Variants in THRB observed in about 807,000 individuals in gnomAD.
The protein encoded by THRB is thyroid hormone receptor beta, also known as nuclear receptor subfamily 1 group A member 2.
Under a neutral mutation model 47.8 loss-of-function variants are expected in THRB, and 12 were observed. The ratio of observed to expected loss-of-function variants is 0.25; its 90% CI spans 0.16 to 0.41. The LOEUF is 0.41. Ranked by LOEUF, THRB falls within the 10% of genes least tolerant of loss-of-function variation. THRB has a pLI of 1.00. For synonymous variants in THRB, 218 were observed against 212.2 expected (o/e 1.03, Z -0.24); for missense variants, 348 against 589.2 (o/e 0.59, Z 4.24).
chr3:24,401,638 G>A (rs2067409449), intron 1 of THRB, among the ~76,000 whole-genome samples: 1 of 151,978 alleles, frequency 6.6e-6, no homozygotes, highest in Non-Finnish European at 1.5e-5. Context: ...TGTTCTTACT[G>A]CATTTCTAAA....
chr3:24,325,513 C>T (rs909595929), intron 2 of THRB, among the ~76,000 whole-genome samples: 1 of 152,160 alleles, frequency 6.6e-6, no homozygotes, highest in Non-Finnish European at 1.5e-5. Flanking sequence ...AGGGCAAAAC[C>T]CCATCCCTAT....
chr3:24,301,977 G>T (rs1216404937), intron 2 of THRB, among the ~76,000 whole-genome samples: 1 of 152,056 alleles, frequency 6.6e-6, no homozygotes, highest in Non-Finnish European at 1.5e-5. Flanking sequence ...TCCCTCAGAG[G>T]CTCCAGGCTG....
At chr3:24,405,277 C>T (rs938687229) in intron 1 of THRB, among the ~76,000 whole-genome samples, 10 of 151,890 alleles carry the variant, frequency 6.6e-5, no homozygotes, top group Non-Finnish European at 1.3e-4. Context: ...ATTCTGTGGG[C>T]CAAATTTGGA....
chr3:24,186,070 T>C (rs1370811197), intron 5 of THRB, among the ~76,000 whole-genome samples: 1 of 152,168 alleles, frequency 6.6e-6, no homozygotes, highest in East Asian at 1.9e-4. Flanking sequence ...GGAAGAAAAA[T>C]GCACATTTCC....
intron 5 of THRB, among the ~76,000 whole-genome samples, chr3:24,169,036 A>C (rs1174211383): frequency 6.6e-6 from 1 of 152,096 alleles, no homozygotes; most frequent in Non-Finnish European, 1.5e-5. Flanking sequence ...GTACTTGCAA[A>C]AATACACATA....
intron 1 of THRB, among the ~76,000 whole-genome samples, chr3:24,389,956 C>T (rs1054081952): frequency 6.6e-6 from 1 of 152,070 alleles, no homozygotes; most frequent in African/African-American, 2.4e-5. Context: ...TAAAAGGTAG[C>T]CAATGACAGT....
intron 1 of THRB, among the ~76,000 whole-genome samples, chr3:24,424,744 A>C (rs1021782446): frequency 6.6e-6 from 1 of 152,010 alleles, no homozygotes; most frequent in African/African-American, 2.4e-5. Flanking sequence ...AACTTCAAAA[A>C]AGTAAATGCA....
Position 24,243,115 on chromosome 3 carries a change from T to C in THRB, c.-42-14114A>G, listed in dbSNP as rs1164491010. ...AAAAAATCCCAGTGCCCAGGTGCAC[T>C]CCAGGCCAATTAGTGTCTGTAGCTC... On this transcript the variant is annotated intron_variant, in intron 3 of 10. Coordinates refer to ENST00000646209, the MANE Select transcript of THRB (RefSeq NM_001354712.2). 7.8e-5 allele frequency among the ~76,000 whole-genome samples: 11 copies of C among 140,460 alleles called. 1 individual carries two copies. The Admixed American group carries it at 8.2e-4, about 10-fold the overall frequency. 92.1% of individuals were successfully genotyped at this position (140,460 alleles called of 152,430 possible).
intron 1 of THRB, among the ~76,000 whole-genome samples, chr3:24,436,178 G>A (rs2070927662): frequency 6.6e-6 from 1 of 151,904 alleles, no homozygotes; most frequent in African/African-American, 2.4e-5. Flanking sequence ...CTTTTCTCAT[G>A]GTAGGGAATA....
intron 1 of THRB, among the ~76,000 whole-genome samples, chr3:24,417,760 G>T (rs183201928): frequency 4.0e-5 from 6 of 151,888 alleles, no homozygotes; most frequent in African/African-American, 1.4e-4. Flanking sequence ...AGAGCTTGTC[G>T]CATGCCAGCA....
chr3:24,157,705 G>A (rs1418981467), intron 5 of THRB, among the ~76,000 whole-genome samples: 2 of 151,916 alleles, frequency 1.3e-5, no homozygotes, highest in African/African-American at 4.8e-5. Flanking sequence ...TAATTTTGAA[G>A]TTGTTTCGTA....
intron 1 of THRB, among the ~76,000 whole-genome samples, chr3:24,485,220 G>A (rs1697110027): frequency 6.6e-6 from 1 of 152,196 alleles, no homozygotes; most frequent in South Asian, 2.1e-4. Flanking sequence ...CTATGAATAG[G>A]CTGTGAGATG....
chr3:24,422,622 GT>G (rs1486856730), intron 1 of THRB, among the ~76,000 whole-genome samples: 1 of 151,902 alleles, frequency 6.6e-6, no homozygotes, highest in Non-Finnish European at 1.5e-5. Flanking sequence ...CGTGGCGAAT[GT>G]GCATTCACTT....
At chr3:24,339,068 T>C (rs991887852) in intron 1 of THRB, among the ~76,000 whole-genome samples, 4 of 152,228 alleles carry the variant, frequency 2.6e-5, no homozygotes, top group South Asian at 2.1e-4. Context: ...TATGACTTTA[T>C]GGCAATTATG....
intron 1 of THRB, among the ~76,000 whole-genome samples, chr3:24,388,679 G>A (rs762585236): frequency 6.6e-6 from 1 of 152,160 alleles, no homozygotes; most frequent in Non-Finnish European, 1.5e-5. Flanking sequence ...GCTACACTGT[G>A]TGACAGTCCC....
chr3:24,123,730 T>C (rs1308935238), intron 10 of THRB, among the ~76,000 whole-genome samples: 1 of 152,144 alleles, frequency 6.6e-6, no homozygotes, highest in East Asian at 1.9e-4. Flanking sequence ...GTATTAGTCA[T>C]GATTTTGGAA....
chr3:24,194,618 G>A (rs1329136544), intron 4 of THRB, among the ~76,000 whole-genome samples: 3 of 152,264 alleles, frequency 2.0e-5, no homozygotes, highest in Non-Finnish European at 4.4e-5. Context: ...GTTTGCATTC[G>A]ATGACCATCA....
intron 1 of THRB, among the ~76,000 whole-genome samples, chr3:24,403,358 A>G (rs1352721763): frequency 1.3e-5 from 2 of 152,014 alleles, no homozygotes; most frequent in Non-Finnish European, 2.9e-5. Flanking sequence ...CATAATATTA[A>G]TTTTATTAAC....
chr3:24,208,479 T>G (rs1391535314), intron 4 of THRB, among the ~76,000 whole-genome samples: 3 of 152,186 alleles, frequency 2.0e-5, no homozygotes, highest in Admixed American at 2.0e-4. Flanking sequence ...CAAAACAGCA[T>G]GGTACTGGTA....
Sources: gnomAD v4.1 joint callset for allele counts (sites outside exome capture counted in the v4.1 genomes callset) on GRCh38, gnomAD v4.1.1 for gene constraint, MANE v1.5 for transcripts, NCBI Gene and HGNC (gene_info 2026-07-23, HGNC 2026-07-21) for gene names.